The following COX7B2 variants were observed in gnomAD, a reference collection of about 807,000 sequenced individuals.
COX7B2 encodes cytochrome c oxidase subunit 7B2, mitochondrial.
For missense variants in COX7B2, 109 were observed against 95.9 expected (o/e 1.14, Z -0.57); for synonymous variants, 37 against 32.1 (o/e 1.15, Z -0.51).
intron 2 of COX7B2, among the ~76,000 whole-genome samples, chr4:46,835,173 A>C (rs1302942386): frequency 6.6e-6 from 1 of 152,166 alleles, no homozygotes; most frequent in Non-Finnish European, 1.5e-5. Flanking sequence ...ATGAGAATGT[A>C]ATGTGTATGA....
chr4:46,823,602 A>G (rs1196980794), intron 2 of COX7B2, among the ~76,000 whole-genome samples: 1 of 151,486 alleles, frequency 6.6e-6, no homozygotes, highest in Non-Finnish European at 1.5e-5. Flanking sequence ...TGTGGAATTC[A>G]GCTAAGGTGG....
intron 1 of COX7B2, among the ~76,000 whole-genome samples, chr4:46,881,388 T>C (rs1718731058): frequency 6.6e-6 from 1 of 152,176 alleles, no homozygotes; most frequent in South Asian, 2.1e-4. Flanking sequence ...GGTTACATTC[T>C]TTTGAGTTTC....
chr4:46,845,401 T>C (rs1435919272), intron 1 of COX7B2, among the ~76,000 whole-genome samples: 7 of 151,924 alleles, frequency 4.6e-5, no homozygotes, highest in Non-Finnish European at 1.0e-4. Flanking sequence ...TCTCAGCAAC[T>C]TCCTTCATGC....
intron 2 of COX7B2, among the ~76,000 whole-genome samples, chr4:46,748,080 C>CA (rs36076892): frequency 0.33 from 49,696 of 151,902 alleles, 8,371 homozygotes; most frequent in South Asian, 0.47. Flanking sequence ...TTCTGATTTA[C>CA]ATTAAAGAAC....
chr4:46,826,525 T>C (rs1714702900), intron 2 of COX7B2, among the ~76,000 whole-genome samples: 1 of 151,854 alleles, frequency 6.6e-6, no homozygotes, highest in Non-Finnish European at 1.5e-5. Flanking sequence ...TTCCCCAAAA[T>C]ATAAATTATT....
intron 1 of COX7B2, among the ~76,000 whole-genome samples, chr4:46,872,158 C>T (rs796641072): frequency 6.6e-6 from 1 of 152,116 alleles, no homozygotes; most frequent in African/African-American, 2.4e-5. Context: ...TTAATGAGAT[C>T]ATGTCTTTTG....
chr4:46,900,824 T>C (rs1428261116), intron 1 of COX7B2, among the ~76,000 whole-genome samples: 1 of 152,172 alleles, frequency 6.6e-6, no homozygotes, highest in Non-Finnish European at 1.5e-5. Flanking sequence ...TGCTGGCACC[T>C]AAGTCTTGGA....
chr4:46,893,560 G>A (rs1021715981), intron 1 of COX7B2, among the ~76,000 whole-genome samples: 2 of 152,146 alleles, frequency 1.3e-5, no homozygotes, highest in Non-Finnish European at 2.9e-5. Context: ...GGCAATAGCT[G>A]TGGCAGCTAT....
At chr4:46,745,213 C>T (rs892344581) in intron 2 of COX7B2, among the ~76,000 whole-genome samples, 1 of 152,188 alleles carries the variant, frequency 6.6e-6, no homozygotes, top group South Asian at 2.1e-4. Flanking sequence ...CTTGCTTCTG[C>T]AAACTCCAGA....
chr4:46,905,814 CTTTTTT>C lies in COX7B2; in HGVS notation c.-105+3340_-105+3345del, dbSNP rs761904309. 4.3e-3 allele frequency among the ~76,000 whole-genome samples: 305 copies of C among 71,658 alleles called. 1 individual carries two copies. The highest frequency in any genetic ancestry group is 0.016 in the African/African-American group (296 of 18,528). 47.0% of individuals were successfully genotyped at this position (71,658 alleles called of 152,430 possible). ...TACCATCTCTGATAAGCATATATTTCTTTTTTTTTTTTTTTTTTTTTTTTTTGAGAC... is the reference window on the plus strand; with the variant it reads ...TACCATCTCTGATAAGCATATATTTCTTTTTTTTTTTTTTTTTTTTGAGAC... On this transcript the variant is annotated intron_variant, in intron 1 of 2. Coordinates refer to ENST00000355591, the MANE Select transcript of COX7B2 (RefSeq NM_130902.3).
Position 46,831,522 on chromosome 4 carries a change from G to A in COX7B2, c.-50+13438C>T, listed in dbSNP as rs138988341. On this transcript the variant is annotated intron_variant, in intron 2 of 2. Coordinates refer to ENST00000355591, the MANE Select transcript of COX7B2 (RefSeq NM_130902.3). Reference sequence around the variant, plus strand: ...AGCCAGCTGGGCTCCTGAGTCTAGTGGGGACTTGGAGAACCTTTATGTCTA... The same window carrying A: ...AGCCAGCTGGGCTCCTGAGTCTAGTAGGGACTTGGAGAACCTTTATGTCTA... 4.4e-3 allele frequency among the ~76,000 whole-genome samples: 677 copies of A among 152,302 alleles called. 6 individuals carry two copies. The highest frequency in any genetic ancestry group is 0.016 in the African/African-American group (656 of 41,574).
chr4:46,853,301 C>A (rs1716811140), intron 1 of COX7B2, among the ~76,000 whole-genome samples: 1 of 152,132 alleles, frequency 6.6e-6, no homozygotes, highest in South Asian at 2.1e-4. Context: ...ACCTCTCATT[C>A]TAATCCACAT....
intron 2 of COX7B2, among the ~76,000 whole-genome samples, chr4:46,819,651 C>G (rs564071970): frequency 6.6e-6 from 1 of 151,972 alleles, no homozygotes; most frequent in East Asian, 1.9e-4. Context: ...ATGTGGCCTA[C>G]AGGCCAAGGG....
intron 2 of COX7B2, 60 bp from the exon 3 acceptor site, chr4:46,735,301 G>T: frequency 1.6e-6 from 2 of 1,283,958 alleles, no homozygotes; most frequent in Non-Finnish European, 2.2e-6. Flanking sequence ...CTTCCGCTTT[G>T]AATGTCTGGC....
intron 2 of COX7B2, among the ~76,000 whole-genome samples, chr4:46,841,670 T>C (rs1715936534): frequency 6.6e-6 from 1 of 151,938 alleles, no homozygotes; most frequent in Non-Finnish European, 1.5e-5. Context: ...CTGAACAGCC[T>C]AATTCTTAGA....
At chr4:46,736,520 A>C (rs921984711) in intron 2 of COX7B2, among the ~76,000 whole-genome samples, 9 of 152,102 alleles carry the variant, frequency 5.9e-5, no homozygotes, top group African/African-American at 2.2e-4. Flanking sequence ...AGATAAAACA[A>C]ATAAAAGTTT....
At chr4:46,784,742 A>T (rs1717661339) in intron 2 of COX7B2, among the ~76,000 whole-genome samples, 1 of 152,260 alleles carries the variant, frequency 6.6e-6, no homozygotes, top group Non-Finnish European at 1.5e-5. Context: ...TTTTGCAAAG[A>T]CATGTCCTAA....
chr4:46,806,524 C>T (rs1719003759), intron 2 of COX7B2, among the ~76,000 whole-genome samples: 2 of 151,986 alleles, frequency 1.3e-5, no homozygotes, highest in South Asian at 2.1e-4. Context: ...CATATAGTTA[C>T]TCAATTATTT....
At chr4:46,861,502 T>C (rs2109801891) in intron 1 of COX7B2, among the ~76,000 whole-genome samples, 1 of 152,300 alleles carries the variant, frequency 6.6e-6, no homozygotes, top group South Asian at 2.1e-4. Context: ...TTTTGGCAAT[T>C]AAATCAAATT....
Sources: gnomAD v4.1 joint callset for allele counts (sites outside exome capture counted in the v4.1 genomes callset) on GRCh38, gnomAD v4.1.1 for gene constraint, MANE v1.5 for transcripts, NCBI Gene and HGNC (gene_info 2026-07-23, HGNC 2026-07-21) for gene names.